KIAA0586: variants seen among roughly 807,000 people sequenced by gnomAD.
KIAA0586 encodes protein TALPID3.
A neutral mutation model predicts 169.8 loss-of-function variants in KIAA0586; 144 were observed. That is an observed-to-expected ratio of 0.85 (90% CI 0.74 to 0.97). The LOEUF is 0.97. Ranked by LOEUF, KIAA0586 falls within the 50% of genes least tolerant of loss-of-function variation. KIAA0586 has a pLI of 0.00. For synonymous variants in KIAA0586, 625 were observed against 612.4 expected (o/e 1.02, Z -0.30); for missense variants, 1,854 against 1,823.0 (o/e 1.02, Z -0.31).
At chr14:58,508,972 G>A (rs975098510) in intron 28 of KIAA0586, among the ~76,000 whole-genome samples, 1 of 152,158 alleles carries the variant, frequency 6.6e-6, no homozygotes, top group East Asian at 1.9e-4. Context: ...GCTCACACCT[G>A]TAATCCCAGC....
chr14:58,450,622 A>G lies in KIAA0586; in HGVS notation c.1005A>G (p.Lys335=). ...EVEDTSFDKQ[K]SPLETPAPRR... ...AAGATACGAGTTTTGATAAACAGAA[A>G]TCTCCTTTGGAGACACCAGCACCTC... The change falls in exon 8 of 31, where the codon AAA becomes AAG. Residue 335 remains lysine (K), a synonymous_variant. Transcript: ENST00000652326. 1 of 1,611,978 alleles carries G rather than the reference A, an allele frequency of 6.2e-7. No individual in the cohort carries two copies. The highest frequency in any genetic ancestry group is 1.1e-5 in the South Asian group (1 of 90,692).
downstream of KIAA0586, among the ~76,000 whole-genome samples, chr14:58,555,392 C>T (rs1422344985): frequency 6.6e-6 from 1 of 152,162 alleles, no homozygotes; most frequent in Non-Finnish European, 1.5e-5. Flanking sequence ...TGAGCCACCG[C>T]ACCTGGCCCA....
chr14:58,428,092 A>G lies in KIAA0586; in HGVS notation c.-173A>G. Reference sequence around the variant, plus strand: ...GGGATTAATGGGTAAATATGACTTTATAGTCAGCTCTAATCCTGGATTCAA... The same window carrying G: ...GGGATTAATGGGTAAATATGACTTTGTAGTCAGCTCTAATCCTGGATTCAA... On this transcript the variant is annotated 5_prime_UTR_variant, in exon 1 of 31. Coordinates refer to ENST00000652326, the MANE Select transcript of KIAA0586 (RefSeq NM_001329943.3). The G allele has an allele frequency of 6.9e-7, 1 of 1,453,608 alleles. No homozygotes were observed. The highest frequency in any genetic ancestry group is 1.5e-5 in the South Asian group (1 of 66,002). 90.0% of individuals were successfully genotyped at this position (1,453,608 alleles called of 1,614,324 possible).
chr14:58,427,756 G>C lies in KIAA0586; in HGVS notation c.-509G>C, dbSNP rs2036947534. ...TTACACCCACGACGGTGCGGGTCTCGGGCGTTCTGGAGATACGTAGGGGTG... is the reference window on the plus strand; with the variant it reads ...TTACACCCACGACGGTGCGGGTCTCCGGCGTTCTGGAGATACGTAGGGGTG... On this transcript the variant is annotated 5_prime_UTR_variant, in exon 1 of 31. Transcript: ENST00000652326. 9.1e-6 allele frequency: 14 copies of C among 1,532,228 alleles called. 1 individual carries two copies. The highest frequency in any genetic ancestry group is 2.0e-4 in the Middle Eastern group (1 of 4,892). The allele number at this position is 1,532,228 out of a possible 1,614,324, so 94.9% of individuals were successfully genotyped here. A position where few individuals can be genotyped will look rare whatever the true frequency, so the allele number is the denominator to read the frequency against.
chr14:58,538,088 C>T (rs909614816), intron 29 of KIAA0586, among the ~76,000 whole-genome samples: 1 of 152,092 alleles, frequency 6.6e-6, no homozygotes, highest in East Asian at 1.9e-4. Context: ...CCCAGAAGGT[C>T]GAGGCTGCAG....
chr14:58,478,767 A>G (rs1464118017), intron 20 of KIAA0586, among the ~76,000 whole-genome samples: 1 of 152,196 alleles, frequency 6.6e-6, no homozygotes, highest in Non-Finnish European at 1.5e-5. Context: ...CTGGCCCCTA[A>G]CAACACTGAT....
intron 14 of KIAA0586, among the ~76,000 whole-genome samples, chr14:58,461,902 G>A (rs894781541): frequency 2.0e-5 from 3 of 152,150 alleles, no homozygotes; most frequent in Non-Finnish European, 4.4e-5. Flanking sequence ...CTGTTTCACT[G>A]GTACTGTGTA....
chr14:58,444,890 G>T (rs2038726360), intron 6 of KIAA0586, among the ~76,000 whole-genome samples: 1 of 132,816 alleles, frequency 7.5e-6, no homozygotes, highest in Non-Finnish European at 1.6e-5. Context: ...AAGCCTGGTT[G>T]ATGTAGCAAG....
intron 20 of KIAA0586, among the ~76,000 whole-genome samples, chr14:58,478,464 T>C (rs146256001): frequency 7.5e-4 from 114 of 152,184 alleles, no homozygotes; most frequent in African/African-American, 2.2e-3. Context: ...GCCTGGGCAA[T>C]AGAGCGAGAC....
chr14:58,450,337 C>T (rs777056831), intron 7 of KIAA0586, among the ~76,000 whole-genome samples: 7 of 151,960 alleles, frequency 4.6e-5, no homozygotes, highest in Admixed American at 2.0e-4. Flanking sequence ...CCAGTTTCAC[C>T]GCAGCTTCAG....
chr14:58,458,741 T>C (rs1211309889), intron 12 of KIAA0586, among the ~76,000 whole-genome samples, 196 bp downstream of exon 12: 2 of 152,208 alleles, frequency 1.3e-5, no homozygotes. Context: ...CCACTTATAT[T>C]CTGGCTCTTA....
chr14:58,427,665 G>C, upstream of KIAA0586: 1 of 1,535,696 alleles, frequency 6.5e-7, no homozygotes, highest in Non-Finnish European at 8.7e-7. Context: ...CATGCGTGTT[G>C]TGTCTCAAGG....
At position 58,547,935 on chromosome 14, in the gene KIAA0586, G is replaced by T. The variant is rs748083468; in HGVS notation, c.*3G>T. The T allele has an allele frequency of 1.1e-5, 17 of 1,613,222 alleles. No homozygotes were observed. The highest frequency in any genetic ancestry group is 1.2e-5 in the Non-Finnish European group (14 of 1,179,494). On this transcript the variant is annotated 3_prime_UTR_variant, in exon 31 of 31. Coordinates refer to ENST00000652326, the MANE Select transcript of KIAA0586 (RefSeq NM_001329943.3). ...CTTCGGGGGCAGATACCTTCTGAAC[G>T]GGAAGAGACAGCCAGCACAGTGTTT...
At chr14:58,466,794 T>TTAA (rs2040808825) in intron 15 of KIAA0586, among the ~76,000 whole-genome samples, 1 of 152,226 alleles carries the variant, frequency 6.6e-6, no homozygotes, top group Admixed American at 6.5e-5. Context: ...GATTATCTTG[T>TTAA]TAATATCATT....
downstream of KIAA0586, among the ~76,000 whole-genome samples, chr14:58,555,669 A>G (rs1239647262): frequency 6.6e-6 from 1 of 152,026 alleles, no homozygotes; most frequent in African/African-American, 2.4e-5. Flanking sequence ...TTCTTTCATG[A>G]TGCAAAAAAT....
chr14:58,491,599 T>A (rs1477863736), intron 25 of KIAA0586, among the ~76,000 whole-genome samples: 1 of 152,238 alleles, frequency 6.6e-6, no homozygotes, highest in African/African-American at 2.4e-5. Flanking sequence ...AGGAAGCCTA[T>A]ACAGGGTGCT....
intron 26 of KIAA0586, among the ~76,000 whole-genome samples, chr14:58,498,494 G>A (rs887288110): frequency 2.0e-5 from 3 of 152,020 alleles, no homozygotes. Flanking sequence ...GTTTTAAATT[G>A]TAATATAATT....
chr14:58,507,306 A>C (rs1379500824), intron 27 of KIAA0586, among the ~76,000 whole-genome samples: 1 of 146,898 alleles, frequency 6.8e-6, no homozygotes, highest in Non-Finnish European at 1.5e-5. Flanking sequence ...TGTATGATTT[A>C]TATATCATAT....
intron 15 of KIAA0586, 109 bp from the exon 16 acceptor site, chr14:58,467,622 CAGAT>C: frequency 2.7e-6 from 2 of 748,964 alleles, no homozygotes; most frequent in Non-Finnish European, 4.4e-6. Context: ...GGGTGATTGT[CAGAT>C]AGGGCTTTTT....
Sources: allele counts gnomAD v4.1 joint callset (sites outside exome capture counted in the v4.1 genomes callset), GRCh38; gene constraint gnomAD v4.1.1; transcripts MANE v1.5; gene names NCBI Gene and HGNC (gene_info 2026-07-23, HGNC 2026-07-21).